Variants in ATP6V1C1 observed in about 807,000 individuals in gnomAD.
ATP6V1C1 encodes ATPase H+ transporting V1 subunit C1, also known as V-type proton ATPase subunit C 1.
A neutral mutation model predicts 53.9 loss-of-function variants in ATP6V1C1; 45 were observed. The ratio of observed to expected loss-of-function variants is 0.83; its 90% CI spans 0.66 to 1.07. ATP6V1C1 has a LOEUF of 1.07. ATP6V1C1 is among the 50% of genes least tolerant of loss of function. The pLI, the probability that ATP6V1C1 is intolerant of heterozygous loss-of-function variation, is 0.00. For missense variants in ATP6V1C1, 315 were observed against 440.3 expected, an observed-to-expected ratio of 0.72 and a Z score of 2.55; for synonymous variants, 153 against 155.2, an observed-to-expected ratio of 0.99 and a Z score of 0.11.
At chr8:103,059,150 C>G (rs1259862443) in intron 8 of ATP6V1C1, among the ~76,000 whole-genome samples, 1 of 152,160 alleles carries the variant, frequency 6.6e-6, no homozygotes, top group African/African-American at 2.4e-5. Flanking sequence ...GCAGAGGAGC[C>G]TAGCTAAGAA....
intron 1 of ATP6V1C1, among the ~76,000 whole-genome samples, chr8:103,022,097 T>G (rs1473603100): frequency 1.3e-5 from 2 of 149,534 alleles, no homozygotes; most frequent in Admixed American, 1.3e-4. Flanking sequence ...TTATGTATAC[T>G]TACCAAAAAG....
At chr8:103,021,646 G>C (rs374491324) in intron 1 of ATP6V1C1, among the ~76,000 whole-genome samples, 93 of 151,216 alleles carry the variant, frequency 6.2e-4, no homozygotes, top group African/African-American at 2.2e-3. Flanking sequence ...CGCGGGTGTC[G>C]GGGGTCGGGG....
At chr8:103,028,796 C>T (rs1023211131) in intron 1 of ATP6V1C1, among the ~76,000 whole-genome samples, 1 of 152,118 alleles carries the variant, frequency 6.6e-6, no homozygotes, top group Non-Finnish European at 1.5e-5. Context: ...ACTATGATTC[C>T]CAGTGAGGTA....
At chr8:103,059,291 C>G (rs1222368309) in intron 8 of ATP6V1C1, among the ~76,000 whole-genome samples, 1 of 152,148 alleles carries the variant, frequency 6.6e-6, no homozygotes, top group Non-Finnish European at 1.5e-5. Context: ...CTGCAGTTTT[C>G]GGACTGCTAA....
At chr8:103,035,544 A>G (rs1273933560) in intron 1 of ATP6V1C1, among the ~76,000 whole-genome samples, 1 of 152,170 alleles carries the variant, frequency 6.6e-6, no homozygotes, top group Non-Finnish European at 1.5e-5. Flanking sequence ...ATAAGTAAGC[A>G]AAGGATATTT....
At chr8:103,059,876 ACG>A (rs1817363238) in intron 8 of ATP6V1C1, among the ~76,000 whole-genome samples, 1 of 65,434 alleles carries the variant, frequency 1.5e-5, no homozygotes, top group South Asian at 4.6e-4. Context: ...TGCCCCCAGC[ACG>A]CACACACACA....
intron 12 of ATP6V1C1, among the ~76,000 whole-genome samples, chr8:103,066,748 A>G (rs112924410): frequency 6.6e-6 from 1 of 152,238 alleles, no homozygotes; most frequent in Non-Finnish European, 1.5e-5. Context: ...CAAAAACTAT[A>G]AATTGCAGAG....
At chr8:103,042,543 A>G (rs1817020139) in intron 3 of ATP6V1C1, 136 bp downstream of exon 3, 1 of 719,966 alleles carries the variant, frequency 1.4e-6, no homozygotes, top group Non-Finnish European at 2.3e-6. Context: ...CCCTTCGTAT[A>G]TCAATTTTAT....
At position 103,021,201 on chromosome 8, in the gene ATP6V1C1, A is replaced by G. The variant is rs909227379; in HGVS notation, c.-64A>G. 2 of 152,854 alleles carry G rather than the reference A, an allele frequency of 1.3e-5. No individual in the cohort carries two copies. Among genetic ancestry groups the G allele is most frequent in the African/African-American group, 2.4e-5 (1 of 41,442 alleles). The allele number at this position is 152,854 out of a possible 1,614,324, so 9.5% of individuals were successfully genotyped here. ...TGCCTCGGTACCTGTTACTGCTGCT[A>G]CTTCCTCGTTTGACACCTTCCTGGG... On this transcript the variant is annotated 5_prime_UTR_variant, in exon 1 of 13. Transcript: ENST00000518738.
rs1194421552 is a variant in ATP6V1C1, at chr8:103,053,829, C to T, written c.474-55C>T. 6 of 1,285,322 alleles carry T rather than the reference C, an allele frequency of 4.7e-6. No individual in the cohort carries two copies. In the African/African-American group the frequency reaches 8.8e-5, roughly 19 times the overall value. 79.6% of individuals were successfully genotyped at this position (1,285,322 alleles called of 1,614,324 possible). On this transcript the variant is annotated intron_variant, in intron 6 of 12. Coordinates refer to ENST00000518738, the MANE Select transcript of ATP6V1C1 (RefSeq NM_001695.5). ...AAATGATTAGCCTGCTGTTTCTTTA[C>T]TTGTGTTACAGAAGCACATAATTAT... is the stretch of plus-strand genomic sequence containing the variant.
chr8:103,032,001 T>TAAAAAAAAAA (rs58257930), intron 1 of ATP6V1C1, among the ~76,000 whole-genome samples: 1 of 109,574 alleles, frequency 9.1e-6, no homozygotes, highest in African/African-American at 2.8e-5. Context: ...GCATATATTG[T>TAAAAAAAAAA]AAAAAAAAAA....
At chr8:103,030,460 G>A (rs762521478) in intron 1 of ATP6V1C1, among the ~76,000 whole-genome samples, 1 of 152,132 alleles carries the variant, frequency 6.6e-6, no homozygotes, top group Non-Finnish European at 1.5e-5. Flanking sequence ...GGAGTAACTG[G>A]TACCATATTT....
rs751335662 is a variant in ATP6V1C1 at position 103,066,437 on chromosome 8, C to G, written c.1043C>G (p.Ala348Gly). ...LYKHLDSSAAAIIDAPMDIPG... is the reference protein window; with the variant it reads ...LYKHLDSSAAGIIDAPMDIPG... ...AAACATCTAGACAGCAGTGCAGCAGCTATTATTGATGTAAGTACTTATTAG... is the reference window on the plus strand; with the variant it reads ...AAACATCTAGACAGCAGTGCAGCAGGTATTATTGATGTAAGTACTTATTAG... Residue 348 changes from alanine to glycine, a missense_variant, in exon 12 of 13, where the codon GCT (alanine) becomes GGT (glycine). Transcript: ENST00000518738. 15 of 1,597,056 alleles carry G rather than the reference C, an allele frequency of 9.4e-6. No individual in the cohort carries two copies. The Admixed American group carries it at 2.7e-4, about 29-fold the overall frequency.
chr8:103,058,621 A>G (rs1015680668), intron 8 of ATP6V1C1, among the ~76,000 whole-genome samples: 1 of 152,226 alleles, frequency 6.6e-6, no homozygotes, highest in Non-Finnish European at 1.5e-5. Flanking sequence ...ACTTTTTGGT[A>G]TGATAACTTG....
At chr8:103,042,738 C>A (rs569651269) in intron 3 of ATP6V1C1, among the ~76,000 whole-genome samples, 5 of 152,166 alleles carry the variant, frequency 3.3e-5, no homozygotes, top group Non-Finnish European at 5.9e-5. Context: ...AATATTTCAT[C>A]ATCCTCTATT....
chr8:103,059,952 T>C (rs1362135169), intron 8 of ATP6V1C1, among the ~76,000 whole-genome samples: 4 of 151,318 alleles, frequency 2.6e-5, no homozygotes, highest in African/African-American at 9.7e-5. Flanking sequence ...TATATGTATA[T>C]ATATATTGTT....
chr8:103,040,669 T>C, intron 1 of ATP6V1C1, 129 bp from the exon 2 acceptor site: 2 of 759,344 alleles, frequency 2.6e-6, no homozygotes, highest in Non-Finnish European at 3.9e-6. Flanking sequence ...TTCACTTTGC[T>C]TGAGATCCTA....
At chr8:103,031,867 A>T (rs1427630381) in intron 1 of ATP6V1C1, among the ~76,000 whole-genome samples, 2 of 152,244 alleles carry the variant, frequency 1.3e-5, no homozygotes, top group Non-Finnish European at 2.9e-5. Flanking sequence ...TTGAGGAAAA[A>T]TAATGGCTGA....
chr8:103,059,908 A>ACACACCCT (rs1472564788), intron 8 of ATP6V1C1, among the ~76,000 whole-genome samples: 1 of 100,440 alleles, frequency 1.0e-5, no homozygotes, highest in Non-Finnish European at 2.1e-5. Context: ...CCACACACCC[A>ACACACCCT]CACACCCTCT....
Sources: gnomAD v4.1 joint callset for allele counts (sites outside exome capture counted in the v4.1 genomes callset) on GRCh38, gnomAD v4.1.1 for gene constraint, MANE v1.5 for transcripts, NCBI Gene and HGNC (gene_info 2026-07-23, HGNC 2026-07-21) for gene names.